The following RFC4 variants were observed in gnomAD, a reference collection of about 807,000 sequenced individuals.
The protein encoded by RFC4 is replication factor C subunit 4.
RFC4 carries 38 observed loss-of-function variants against 47.6 expected under a neutral mutation model. That is an observed-to-expected ratio of 0.80 (90% CI 0.62 to 1.05). The LOEUF (loss-of-function observed/expected upper bound fraction) is 1.05, where lower values mean the gene tolerates loss of function less well. Among genes scored for constraint, RFC4 ranks in the 50% least tolerant of loss-of-function variants. The pLI is 0.00. For synonymous variants in RFC4, 164 were observed against 150.0 expected (o/e 1.09, Z -0.68); for missense variants, 489 against 434.0 (o/e 1.13, Z -1.13).
intron 2 of RFC4, chr3:186,801,555 CA>C (rs1722353308): frequency 1.1e-5 from 2 of 182,690 alleles, no homozygotes; most frequent in Non-Finnish European, 2.3e-5. Context: ...ACTAAAAACA[CA>C]AAAAATTAGC....
chr3:186,803,898 A>G (rs1207736101), intron 2 of RFC4, among the ~76,000 whole-genome samples: 1 of 151,998 alleles, frequency 6.6e-6, no homozygotes, highest in Non-Finnish European at 1.5e-5. Context: ...CTGAATTTCC[A>G]GGGCTGGGCG....
intron 2 of RFC4, among the ~76,000 whole-genome samples, chr3:186,803,437 T>C (rs1254728069): frequency 1.3e-5 from 2 of 152,184 alleles, no homozygotes; most frequent in African/African-American, 4.8e-5. Flanking sequence ...TAAACATTGG[T>C]AATTACCGAG....
At chr3:186,800,590 G>A (rs746315353) in intron 3 of RFC4, among the ~76,000 whole-genome samples, 1 of 152,092 alleles carries the variant, frequency 6.6e-6, no homozygotes, top group Non-Finnish European at 1.5e-5. Flanking sequence ...TACAATGCAA[G>A]TTATCCATGG....
chr3:186,804,522 A>G, intron 2 of RFC4, 61 bp downstream of exon 2: 2 of 1,410,698 alleles, frequency 1.4e-6, no homozygotes, highest in Non-Finnish European at 1.9e-6. Context: ...AAAAAAAGTG[A>G]TCAGTACTGG....
chr3:186,789,912 TTTTA>T lies in RFC4; in HGVS notation c.*53_*56del. ...TTCACTTTAAAGGTGCTTTTGGTCA[TTTTA>T]TTTTTATTACAACTTCATTATTTAC... is the stretch of plus-strand genomic sequence containing the variant. On this transcript the variant is annotated 3_prime_UTR_variant, in exon 11 of 11. Transcript: ENST00000296273. 1.3e-5 allele frequency: 15 copies of T among 1,136,304 alleles called. No homozygotes were observed. The highest frequency in any genetic ancestry group is 1.7e-5 in the Non-Finnish European group (13 of 770,406). 70.4% of individuals were successfully genotyped at this position (1,136,304 alleles called of 1,614,324 possible).
At chr3:186,798,781 T>C (rs3917114) in intron 3 of RFC4, among the ~76,000 whole-genome samples, 1 of 152,180 alleles carries the variant, frequency 6.6e-6, no homozygotes, top group South Asian at 2.1e-4. Flanking sequence ...TCTCCTATTC[T>C]CTCATTAGTG....
At chr3:186,801,092 A>G in intron 3 of RFC4, 25 bp downstream of exon 3, 1 of 1,525,446 alleles carries the variant, frequency 6.6e-7, no homozygotes. Context: ...TATCCCAATG[A>G]CATTAAACAC....
chr3:186,792,951 A>AT lies in RFC4; in HGVS notation c.411-5dup, dbSNP rs778642006. 6.2e-7 allele frequency: 1 copy of AT among 1,611,160 alleles called. No individual in the cohort carries two copies. The highest frequency in any genetic ancestry group is 8.5e-7 in the Non-Finnish European group (1 of 1,178,966). ...AAAAGGCGGACACGGCTTCCCACTG[A>AT]TTCAGAGAAACACATAAGAGTTGAA... On this transcript the variant is annotated splice_polypyrimidine_tract_variant and splice_region_variant and intron_variant, in intron 5 of 10. Transcript: ENST00000296273.
chr3:186,793,845 C>T lies in RFC4; in HGVS notation c.410+813G>A, dbSNP rs1166943203. On this transcript the variant is annotated intron_variant, in intron 5 of 10. Transcript: ENST00000296273. The surrounding 1 kb of genome is among the most constrained non-coding windows in gnomAD (Gnocchi z 4.2). ...TCACGCCATACTCCTGCCTCAGCCT[C>T]CCGAGTAGCTGGGACTACAGGCGCC... Among the ~76,000 whole-genome samples, 12 of 151,950 alleles carry T rather than the reference C, an allele frequency of 7.9e-5. No individual in the cohort carries two copies. The highest frequency in any genetic ancestry group is 1.5e-4 in the African/African-American group (6 of 41,356).
intron 4 of RFC4, among the ~76,000 whole-genome samples, chr3:186,795,758 A>G: frequency 6.6e-6 from 1 of 152,164 alleles, no homozygotes; most frequent in Non-Finnish European, 1.5e-5. Context: ...GCACCACTGC[A>G]CTCCAGCCTG....
intron 3 of RFC4, among the ~76,000 whole-genome samples, chr3:186,799,512 C>T (rs1007101233): frequency 5.3e-5 from 8 of 152,012 alleles, no homozygotes; most frequent in African/African-American, 1.4e-4. Context: ...GTGGCCAAAG[C>T]GGGCAGGTCA....
At chr3:186,794,458 A>C (rs1197355462) in intron 5 of RFC4, among the ~76,000 whole-genome samples, 200 bp downstream of exon 5, 1 of 152,252 alleles carries the variant, frequency 6.6e-6, no homozygotes, top group Non-Finnish European at 1.5e-5. Context: ...CCACCAATGT[A>C]ATCCTGGACC....
intron 2 of RFC4, 164 bp from the exon 3 acceptor site, chr3:186,801,359 T>C (rs1722348066): frequency 1.6e-6 from 1 of 606,736 alleles, no homozygotes; most frequent in East Asian, 2.8e-5. Flanking sequence ...CCCACTTGTT[T>C]TTACCGTAAC....
At position 186,790,403 on chromosome 3, in the gene RFC4, T is replaced by C. The variant is rs1722073493; in HGVS notation, c.805A>G (p.Ile269Val). ...ACTCCATCAATTTTCTCAGCTGGTA[T>C]TACCTAGGTAATTGAATGTTCGGTA... ...EKVITDIAGV[I>V]PAEKIDGVFA... The change falls in exon 9 of 11, where the codon ATA (isoleucine) becomes GTA (valine). Residue 269 changes from isoleucine (I) to valine (V), a missense_variant. Ile to Val is a conservative substitution (Grantham distance 29). Transcript: ENST00000296273. 6.2e-7 allele frequency: 1 copy of C among 1,608,188 alleles called. No individual in the cohort carries two copies. The highest frequency in any genetic ancestry group is 8.5e-7 in the Non-Finnish European group (1 of 1,174,572).
chr3:186,804,426 G>A (rs3917100), intron 2 of RFC4, among the ~76,000 whole-genome samples, 157 bp downstream of exon 2: 1,591 of 151,500 alleles, frequency 0.011, 23 homozygotes, highest in East Asian at 0.072. Flanking sequence ...TTTAGTTCCA[G>A]GGTTCTATGA....
intron 2 of RFC4, 77 bp downstream of exon 2, chr3:186,804,504 TAA>T (rs75756787): frequency 0.021 from 23,864 of 1,138,726 alleles, no homozygotes; most frequent in South Asian, 0.038. Flanking sequence ...CTCCATAAGT[TAA>T]AAAAAAAAAA....
intron 4 of RFC4, among the ~76,000 whole-genome samples, chr3:186,797,215 A>G (rs1402602107): frequency 6.6e-6 from 1 of 152,226 alleles, no homozygotes; most frequent in Non-Finnish European, 1.5e-5. Flanking sequence ...GGGTGATAAA[A>G]CTATCAGCAC....
chr3:186,797,556 G>C lies in RFC4; in HGVS notation c.269C>G (p.Ala90Gly), dbSNP rs755867523. ...GTACCCAAAGAGTTCTCTAGCTGCT[G>C]CCAAAATAGTGGATGTTTTTCCAGT... ...PGTGKTSTILAAARELFGPEL... is the reference protein window; with the variant it reads ...PGTGKTSTILGAARELFGPEL... Residue 90 changes from alanine to glycine, a missense_variant, in exon 4 of 11, where the codon GCA becomes GGA. This residue lies in a region of RFC4 where 206 missense variants were observed against 257.8 expected (regional missense o/e 0.80). Coordinates refer to ENST00000296273, the MANE Select transcript of RFC4 (RefSeq NM_002916.5). The C allele has an allele frequency of 1.2e-6, 2 of 1,611,096 alleles. No homozygotes were observed. The highest frequency in any genetic ancestry group is 2.2e-5 in the East Asian group (1 of 44,850).
Position 186,798,706 on chromosome 3 carries a change from C to T in RFC4, c.211-1092G>A, listed in dbSNP as rs145948529. On this transcript the variant is annotated intron_variant, in intron 3 of 10. Transcript: ENST00000296273. ...CCATGACCTGGAGTCTGATCCTCTT[C>T]TTTCTGCCTGGCCAACTCCTAATGC... is the stretch of plus-strand genomic sequence containing the variant. 3.0e-3 allele frequency among the ~76,000 whole-genome samples: 454 copies of T among 152,250 alleles called. 1 individual carries two copies. The highest frequency in any genetic ancestry group is 9.8e-3 in the African/African-American group (409 of 41,546).
Sources: allele counts gnomAD v4.1 joint callset (sites outside exome capture counted in the v4.1 genomes callset), GRCh38; gene constraint gnomAD v4.1.1; regional missense constraint gnomAD v4.1.1; non-coding constraint Gnocchi (gnomAD v3.1); transcripts MANE v1.5; gene names NCBI Gene and HGNC (gene_info 2026-07-23, HGNC 2026-07-21).